SPACA7: variants seen among roughly 807,000 people sequenced by gnomAD.
The protein encoded by SPACA7 is sperm acrosome associated 7.
A neutral mutation model predicts 26.3 loss-of-function variants in SPACA7; 19 were observed. That is an observed-to-expected ratio of 0.72 (90% CI 0.50 to 1.06). The LOEUF is 1.06. Ranked by LOEUF, SPACA7 falls within the 50% of genes least tolerant of loss-of-function variation. The pLI, the probability that SPACA7 is intolerant of heterozygous loss-of-function variation, is 0.00. For synonymous variants in SPACA7, 84 were observed against 84.5 expected (o/e 0.99, Z 0.04); for missense variants, 211 against 229.9 (o/e 0.92, Z 0.53).
chr13:112,432,926 C>T (rs1021313036), intron 6 of SPACA7, among the ~76,000 whole-genome samples: 9 of 152,304 alleles, frequency 5.9e-5, no homozygotes, highest in South Asian at 4.1e-4. Context: ...CCCACCCTCT[C>T]GTGGGGTGGG....
At chr13:112,429,435 CT>C (rs1876854414) in intron 5 of SPACA7, among the ~76,000 whole-genome samples, 1 of 151,482 alleles carries the variant, frequency 6.6e-6, no homozygotes. Context: ...TTATTTGCCC[CT>C]AAATATACTT....
At chr13:112,425,105 C>A (rs1876400227) in intron 5 of SPACA7, among the ~76,000 whole-genome samples, 1 of 152,182 alleles carries the variant, frequency 6.6e-6, no homozygotes, top group South Asian at 2.1e-4. Flanking sequence ...GTCCTAGTGA[C>A]CTTACCAACA....
intron 5 of SPACA7, among the ~76,000 whole-genome samples, chr13:112,427,647 T>G (rs1876662608): frequency 6.6e-6 from 1 of 152,240 alleles, no homozygotes; most frequent in Admixed American, 6.5e-5. Flanking sequence ...AAATGTTTGA[T>G]AGCATTTATC....
chr13:112,385,373 A>G (rs1336360538), intron 1 of SPACA7, among the ~76,000 whole-genome samples: 2 of 152,224 alleles, frequency 1.3e-5, no homozygotes, highest in Non-Finnish European at 1.5e-5. Flanking sequence ...TTCTCCAGTA[A>G]TCTTAATTTT....
intron 5 of SPACA7, among the ~76,000 whole-genome samples, chr13:112,417,775 G>T (rs1416922108): frequency 6.6e-6 from 1 of 152,086 alleles, no homozygotes; most frequent in Non-Finnish European, 1.5e-5. Flanking sequence ...GCTTTTTCTA[G>T]CTCACTTTTC....
At chr13:112,392,019 G>A (rs950924894) in intron 1 of SPACA7, among the ~76,000 whole-genome samples, 9 of 152,172 alleles carry the variant, frequency 5.9e-5, no homozygotes, top group African/African-American at 7.2e-5. Flanking sequence ...TTTGTCACTG[G>A]TTTAGTGTTG....
intron 4 of SPACA7, 113 bp downstream of exon 4, chr13:112,399,286 G>A: frequency 1.4e-6 from 1 of 710,966 alleles, no homozygotes; most frequent in East Asian, 2.7e-5. Flanking sequence ...CCCTTGGTGG[G>A]AGAATGTGCC....
intron 5 of SPACA7, among the ~76,000 whole-genome samples, chr13:112,429,993 T>C (rs1028152928): frequency 6.6e-6 from 1 of 152,224 alleles, no homozygotes; most frequent in African/African-American, 2.4e-5. Context: ...CTGTGTATTA[T>C]GAGGGTTTTT....
At chr13:112,382,867 T>A (rs1884170632) in intron 1 of SPACA7, among the ~76,000 whole-genome samples, 1 of 151,862 alleles carries the variant, frequency 6.6e-6, no homozygotes, top group Non-Finnish European at 1.5e-5. Context: ...CAGGTGCCTG[T>A]AATCCCAGCT....
intron 3 of SPACA7, among the ~76,000 whole-genome samples, chr13:112,398,855 T>C (rs574667420): frequency 6.6e-6 from 1 of 152,336 alleles, no homozygotes; most frequent in South Asian, 2.1e-4. Context: ...TCACCTGCCA[T>C]CTGCCAAGGT....
chr13:112,385,033 T>C (rs578136940), intron 1 of SPACA7, among the ~76,000 whole-genome samples: 1 of 152,322 alleles, frequency 6.6e-6, no homozygotes, highest in East Asian at 1.9e-4. Context: ...ATTAATTTTC[T>C]AAGAAAACCC....
chr13:112,406,040 C>A (rs939948048), intron 5 of SPACA7, among the ~76,000 whole-genome samples: 9 of 152,018 alleles, frequency 5.9e-5, no homozygotes, highest in Admixed American at 5.9e-4. Flanking sequence ...ACCATTTAAA[C>A]TTTTATTTTT....
intron 5 of SPACA7, among the ~76,000 whole-genome samples, chr13:112,410,602 A>G (rs1037467824): frequency 6.6e-6 from 1 of 152,138 alleles, no homozygotes; most frequent in African/African-American, 2.4e-5. Flanking sequence ...GTGTGATTCC[A>G]CTTATATGAC....
At chr13:112,424,223 C>T (rs1428192247) in intron 5 of SPACA7, among the ~76,000 whole-genome samples, 3 of 152,236 alleles carry the variant, frequency 2.0e-5, no homozygotes. Context: ...ATCTCTGCTG[C>T]ACTCCAAAGA....
At chr13:112,412,607 A>G (rs1373393432) in intron 5 of SPACA7, among the ~76,000 whole-genome samples, 1 of 151,806 alleles carries the variant, frequency 6.6e-6, no homozygotes, top group African/African-American at 2.4e-5. Context: ...TTAAGTCTTT[A>G]ACCCATTTTG....
chr13:112,392,983 G>T, intron 1 of SPACA7, 38 bp from the exon 2 acceptor site: 1 of 1,573,600 alleles, frequency 6.4e-7, no homozygotes, highest in South Asian at 1.1e-5. Flanking sequence ...CAAATTCAAT[G>T]AACATTGTTA....
intron 5 of SPACA7, among the ~76,000 whole-genome samples, chr13:112,425,287 A>G (rs369683230): frequency 1.3e-5 from 2 of 152,366 alleles, no homozygotes; most frequent in East Asian, 3.9e-4. Context: ...AAAGATGGGG[A>G]AAACCATTTC....
At chr13:112,384,336 A>C (rs772235859) in intron 1 of SPACA7, among the ~76,000 whole-genome samples, 7 of 152,042 alleles carry the variant, frequency 4.6e-5, no homozygotes, top group Non-Finnish European at 1.0e-4. Context: ...TAAAATTATT[A>C]CTGATAACAT....
chr13:112,398,398 G>A (rs148746545), intron 3 of SPACA7, among the ~76,000 whole-genome samples: 5,203 of 145,074 alleles, frequency 0.036, 95 homozygotes, highest in Middle Eastern at 0.071. Flanking sequence ...GCACGTTCTC[G>A]CCCTCGGGAG....
Sources: allele counts gnomAD v4.1 joint callset (sites outside exome capture counted in the v4.1 genomes callset), GRCh38; gene constraint gnomAD v4.1.1; transcripts MANE v1.5; gene names NCBI Gene and HGNC (gene_info 2026-07-23, HGNC 2026-07-21).